Variants in IFNAR1 observed in about 807,000 individuals in gnomAD.
The protein encoded by IFNAR1 is interferon alpha and beta receptor subunit 1, also known as interferon alpha/beta receptor 1.
Under a neutral mutation model 62.1 loss-of-function variants are expected in IFNAR1, and 47 were observed. The ratio of observed to expected loss-of-function variants is 0.76; its 90% CI spans 0.60 to 0.97. The LOEUF (loss-of-function observed/expected upper bound fraction) is 0.97, where lower values mean the gene tolerates loss of function less well. Among genes scored for constraint, IFNAR1 ranks in the 50% least tolerant of loss-of-function variants. The probability of loss-of-function intolerance (pLI) is 0.00; values close to 1 mark genes in which losing one functional copy is unlikely to be tolerated. For synonymous variants in IFNAR1, 219 were observed against 226.9 expected, an observed-to-expected ratio of 0.97 and a Z score of 0.31; for missense variants, 638 against 654.5, an observed-to-expected ratio of 0.97 and a Z score of 0.27.
chr21:33,332,640 C>T (rs2083192332), intron 1 of IFNAR1, among the ~76,000 whole-genome samples: 1 of 151,996 alleles, frequency 6.6e-6, no homozygotes, highest in Non-Finnish European at 1.5e-5. Context: ...AAACAATTCA[C>T]AATACAAAAA....
Position 33,335,577 on chromosome 21 carries a change from A to G in IFNAR1, c.130A>G (p.Asn44Asp), listed in dbSNP as rs538755984. Reference protein sequence around the residue: ...QKVEVDIIDDNFILRWNRSDE... With the variant: ...QKVEVDIIDDDFILRWNRSDE... ...AGTAGAGGTCGACATCATAGATGACAACTTTATCCTGAGGTGGAACAGGAG... is the reference window on the plus strand; with the variant it reads ...AGTAGAGGTCGACATCATAGATGACGACTTTATCCTGAGGTGGAACAGGAG... Residue 44 changes from asparagine (N) to aspartate (D), a missense_variant, in exon 2 of 11, where the codon AAC (asparagine) becomes GAC (aspartate). By Grantham distance (23) the Asn-to-Asp change is conservative. Coordinates refer to ENST00000270139, the MANE Select transcript of IFNAR1 (RefSeq NM_000629.3). The G allele has an allele frequency of 6.2e-7, 1 of 1,608,088 alleles. No individual in the cohort carries two copies.
chr21:33,342,902 C>T (rs1359107076), intron 3 of IFNAR1, among the ~76,000 whole-genome samples: 1 of 148,158 alleles, frequency 6.7e-6, no homozygotes, highest in East Asian at 2.0e-4. Flanking sequence ...TCACAGCAGC[C>T]TCCACAATGC....
intron 1 of IFNAR1, 71 bp downstream of exon 1, chr21:33,325,202 G>A: frequency 7.4e-7 from 1 of 1,343,976 alleles, no homozygotes; most frequent in Non-Finnish European, 1.0e-6. Context: ...CGGGGGCGGC[G>A]ATGCTGTTGG....
In IFNAR1 at chr21:33,355,686, G is replaced by A. The variant is rs2083441351; in HGVS notation, c.*137G>A. 3.9e-6 allele frequency: 2 copies of A among 514,172 alleles called. No individual in the cohort carries two copies. Among genetic ancestry groups the A allele is most frequent in the East Asian group, 3.3e-5 (1 of 30,504 alleles). The allele number at this position is 514,172 out of a possible 1,614,324, so 31.9% of individuals were successfully genotyped here. A position where few individuals can be genotyped will look rare whatever the true frequency, so the allele number is the denominator to read the frequency against. On this transcript the variant is annotated 3_prime_UTR_variant, in exon 11 of 11. Transcript: ENST00000270139. ...AAAGAAAAAACATCTTCAGATCATA[G>A]GTCCTAAAAATACGGGCAAGCTCTT... is the stretch of plus-strand genomic sequence containing the variant.
intron 6 of IFNAR1, among the ~76,000 whole-genome samples, chr21:33,348,443 T>C (rs1248487415): frequency 6.6e-6 from 1 of 152,132 alleles, no homozygotes; most frequent in Non-Finnish European, 1.5e-5. Flanking sequence ...TGTAGTAAAA[T>C]AATTAGGACA....
At chr21:33,343,208 A>G (rs1001067428) in intron 3 of IFNAR1, 60 bp from the exon 4 acceptor site, 12 of 1,425,052 alleles carry the variant, frequency 8.4e-6, no homozygotes, top group Non-Finnish European at 1.2e-5. Context: ...TATTTGTTGA[A>G]TGAAGGTTTT....
chr21:33,339,255 T>C lies in IFNAR1; in HGVS notation c.201-1744T>C, dbSNP rs552400247. 7.9e-5 allele frequency among the ~76,000 whole-genome samples: 12 copies of C among 152,336 alleles called. No individual in the cohort carries two copies. In the South Asian group the frequency reaches 8.3e-4, roughly 11 times the overall value. On this transcript the variant is annotated intron_variant, in intron 2 of 10. Coordinates refer to ENST00000270139, the MANE Select transcript of IFNAR1 (RefSeq NM_000629.3). ...TTTCTGGATTTTTAGAAATAGATTC[T>C]GATGTGGAACCTTTTCAAGAATGTT...
At chr21:33,343,459 G>A (rs755405587) in intron 4 of IFNAR1, 37 bp downstream of exon 4, 44 of 1,587,772 alleles carry the variant, frequency 2.8e-5, no homozygotes, top group Non-Finnish European at 3.7e-5. Flanking sequence ...ATCGATGTGA[G>A]AGAAAAATTA....
At chr21:33,325,192 C>A in intron 1 of IFNAR1, 61 bp downstream of exon 1, 1 of 1,427,450 alleles carries the variant, frequency 7.0e-7, no homozygotes. Flanking sequence ...AGCTGGGCTA[C>A]GGGGGCGGCG....
chr21:33,328,180 C>T (rs1466279978), intron 1 of IFNAR1, among the ~76,000 whole-genome samples: 1 of 151,882 alleles, frequency 6.6e-6, no homozygotes, highest in Non-Finnish European at 1.5e-5. Flanking sequence ...TGTGTGTGGC[C>T]CAAGACAGTT....
chr21:33,341,248 A>C, intron 3 of IFNAR1, 74 bp downstream of exon 3: 1 of 1,155,540 alleles, frequency 8.7e-7, no homozygotes, highest in South Asian at 1.5e-5. Context: ...CAAGCCATTC[A>C]TTTGCATGAT....
intron 1 of IFNAR1, among the ~76,000 whole-genome samples, chr21:33,333,052 A>G (rs1465130573): frequency 6.6e-6 from 1 of 152,248 alleles, no homozygotes; most frequent in Non-Finnish European, 1.5e-5. Context: ...TCCAAAGCAC[A>G]TTATTATCTG....
At chr21:33,339,373 G>C (rs2083273457) in intron 2 of IFNAR1, among the ~76,000 whole-genome samples, 1 of 152,144 alleles carries the variant, frequency 6.6e-6, no homozygotes, top group Non-Finnish European at 1.5e-5. Flanking sequence ...TCATATGCTA[G>C]TGTATATTTT....
chr21:33,335,703 T>A, intron 2 of IFNAR1, 56 bp downstream of exon 2: 1 of 1,316,584 alleles, frequency 7.6e-7, no homozygotes, highest in Non-Finnish European at 1.0e-6. Flanking sequence ...TTTACAAGTT[T>A]AACAACACCA....
rs17875877 is a variant in IFNAR1 at position 33,335,081 on chromosome 21, C to T, written c.77-443C>T. 544 of 877,870 alleles carry T rather than the reference C, an allele frequency of 6.2e-4. 3 individuals are homozygous for T. Among genetic ancestry groups the T allele is most frequent in the Non-Finnish European group, 8.5e-4 (442 of 520,324 alleles). 54.4% of individuals were successfully genotyped at this position (877,870 alleles called of 1,614,324 possible). On this transcript the variant is annotated intron_variant, in intron 1 of 10. Coordinates refer to ENST00000270139, the MANE Select transcript of IFNAR1 (RefSeq NM_000629.3). Reference sequence around the variant, plus strand: ...CAGGGAGGAAGCCAGCACTTGATTGCCCCTAGGACTCAACCTTATTTATTT... The same window carrying T: ...CAGGGAGGAAGCCAGCACTTGATTGTCCCTAGGACTCAACCTTATTTATTT...
At chr21:33,343,479 A>G (rs776525770) in intron 4 of IFNAR1, 56 bp from the exon 5 acceptor site, 2 of 1,563,552 alleles carry the variant, frequency 1.3e-6, no homozygotes, top group Non-Finnish European at 1.8e-6. Flanking sequence ...AGGCGAATTA[A>G]TCCTAAAATT....
At chr21:33,328,713 A>G (rs17875771) in intron 1 of IFNAR1, among the ~76,000 whole-genome samples, 56 of 152,216 alleles carry the variant, frequency 3.7e-4, no homozygotes, top group African/African-American at 1.3e-3. Context: ...TTACTTACAT[A>G]TTTGTACAGA....
At chr21:33,346,611 A>G (rs1290607747) in intron 6 of IFNAR1, among the ~76,000 whole-genome samples, 3 of 152,248 alleles carry the variant, frequency 2.0e-5, no homozygotes, top group Admixed American at 6.5e-5. Flanking sequence ...GGTACTTACC[A>G]TATTGTACAA....
At chr21:33,343,114 T>A (rs2083309553) in intron 3 of IFNAR1, among the ~76,000 whole-genome samples, 154 bp from the exon 4 acceptor site, 1 of 152,222 alleles carries the variant, frequency 6.6e-6, no homozygotes, top group African/African-American at 2.4e-5. Flanking sequence ...TCTGTATCAC[T>A]CCACTGGTGA....
Sources: gnomAD v4.1 joint callset for allele counts (sites outside exome capture counted in the v4.1 genomes callset) on GRCh38, gnomAD v4.1.1 for gene constraint, MANE v1.5 for transcripts, NCBI Gene and HGNC (gene_info 2026-07-23, HGNC 2026-07-21) for gene names.